Variants in TEX11 observed in about 807,000 individuals in gnomAD.
The protein encoded by TEX11 is testis expressed 11.
A neutral mutation model predicts 84.4 loss-of-function variants in TEX11; 7 were observed. That is an observed-to-expected ratio of 0.08 (90% CI 0.05 to 0.16). TEX11 has a LOEUF of 0.16. Among genes scored for constraint, TEX11 ranks in the 10% least tolerant of loss-of-function variants. The pLI is 1.00. For synonymous variants in TEX11, 264 were observed against 222.8 expected (o/e 1.18, Z -1.64); for missense variants, 551 against 660.5 (o/e 0.83, Z 1.82).
intron 7 of TEX11, among the ~76,000 whole-genome samples, chrX:70,851,693 A>ACACC (rs1171166083): frequency 2.0e-4 from 22 of 110,440 alleles, no homozygotes; most frequent in Admixed American, 1.9e-3. Context: ...ACACACACAC[A>ACACC]CACACACAGA....
intron 9 of TEX11, among the ~76,000 whole-genome samples, chrX:70,761,123 A>T (rs938478544): frequency 2.7e-5 from 3 of 111,882 alleles, no homozygotes; most frequent in South Asian, 7.6e-4. Context: ...GATGCTGGAG[A>T]GGATATGGAG....
At chrX:70,817,644 G>T (rs930734548) in intron 8 of TEX11, among the ~76,000 whole-genome samples, 1 of 110,596 alleles carries the variant, frequency 9.0e-6, no homozygotes, top group Admixed American at 9.7e-5. Flanking sequence ...AGATCATGCC[G>T]CTGCACTCCA....
chrX:70,901,071 A>T (rs887885680), intron 2 of TEX11, among the ~76,000 whole-genome samples: 3 of 111,848 alleles, frequency 2.7e-5, no homozygotes, highest in African/African-American at 9.7e-5. Flanking sequence ...TACAAAAATT[A>T]GTCAGGAATG....
chrX:70,561,331 C>A (rs1288298058), intron 25 of TEX11, among the ~76,000 whole-genome samples: 1 of 105,560 alleles, frequency 9.5e-6, no homozygotes, highest in East Asian at 2.9e-4. Context: ...TGCTAGTATA[C>A]AGAAATATAA....
chrX:70,859,728 C>T (rs1459077045), intron 5 of TEX11, among the ~76,000 whole-genome samples: 4 of 109,622 alleles, frequency 3.6e-5, no homozygotes, highest in Admixed American at 9.9e-5. Context: ...AAAAATTAAT[C>T]TTTTAGGCCA....
chrX:70,594,442 A>G (rs1284639031), intron 24 of TEX11, among the ~76,000 whole-genome samples: 1 of 111,293 alleles, frequency 9.0e-6, no homozygotes, highest in Non-Finnish European at 1.9e-5. Context: ...TATAAAAGAT[A>G]GTATTAATAT....
intron 24 of TEX11, among the ~76,000 whole-genome samples, chrX:70,592,418 T>G (rs1371191817): frequency 2.7e-5 from 3 of 111,437 alleles, no homozygotes; most frequent in Non-Finnish European, 5.6e-5. Context: ...ATGCTGGCAC[T>G]TCTCATCCCC....
chrX:70,714,591 A>T (rs369989153), intron 13 of TEX11, among the ~76,000 whole-genome samples: 10 of 111,209 alleles, frequency 9.0e-5, no homozygotes, highest in African/African-American at 2.6e-4. Flanking sequence ...TAAAGTCTGT[A>T]TTATCAGAGA....
chrX:70,587,686 TC>T (rs1170900326), intron 25 of TEX11, among the ~76,000 whole-genome samples: 3 of 111,111 alleles, frequency 2.7e-5, no homozygotes, highest in Non-Finnish European at 5.7e-5. Flanking sequence ...CCACACAGAG[TC>T]CCCACTGGGG....
At position 70,796,050 on chromosome X, in the gene TEX11, C is replaced by G. The variant is rs7891054; in HGVS notation, c.692+10655G>C. ...ATCCCAGAGTGACAGAGATATGTGA[C>G]CTTTCAGGCAGAGAATTCAAATTAG... On this transcript the variant is annotated intron_variant, in intron 9 of 29. Transcript: ENST00000374333. Among the ~76,000 whole-genome samples the G allele has an allele frequency of 5.6e-3, 623 of 111,437 alleles. 9 individuals are homozygous for G. Among genetic ancestry groups the G allele is most frequent in the African/African-American group, 0.019 (599 of 30,738 alleles).
chrX:70,704,549 T>G (rs1184126964), intron 13 of TEX11, among the ~76,000 whole-genome samples: 2 of 111,660 alleles, frequency 1.8e-5, no homozygotes, highest in East Asian at 5.6e-4. Context: ...TTCTTTACTG[T>G]TCAAGTACAT....
chrX:70,836,109 C>CG lies in TEX11; in HGVS notation c.526-2517_526-2516insC, dbSNP rs769275328. ...TGGGCAATAGAGTGAGACTCTGTCT[C>CG]AAAAAAAAAAAAAAAAAAGACAATA... On this transcript the variant is annotated intron_variant, in intron 7 of 29. Transcript: ENST00000374333. 3.1e-4 allele frequency among the ~76,000 whole-genome samples: 23 copies of CG among 74,020 alleles called. 1 individual carries two copies. The highest frequency in any genetic ancestry group is 2.7e-3 in the Admixed American group (17 of 6,228). 64.3% of individuals were successfully genotyped at this position (74,020 alleles called of 115,157 possible).
chrX:70,654,727 A>G (rs1255725552), intron 16 of TEX11, among the ~76,000 whole-genome samples: 3 of 107,853 alleles, frequency 2.8e-5, no homozygotes, highest in East Asian at 2.8e-4. Flanking sequence ...AAAAAAAAAA[A>G]AAAAAGAAAT....
intron 4 of TEX11, among the ~76,000 whole-genome samples, chrX:70,861,782 T>C (rs1481614136): frequency 1.8e-5 from 2 of 109,945 alleles, no homozygotes; most frequent in Non-Finnish European, 3.8e-5. Flanking sequence ...AGATATTTAA[T>C]ACTTAAATTT....
intron 9 of TEX11, among the ~76,000 whole-genome samples, chrX:70,752,493 C>T (rs1385326635): frequency 1.0e-5 from 1 of 95,585 alleles, no homozygotes; most frequent in African/African-American, 3.9e-5. Context: ...CCACTGCATC[C>T]CAGCCTGGGT....
At position 70,840,843 on chromosome X, in the gene TEX11, A is replaced by C. The variant is rs767750784; in HGVS notation, c.526-7250T>G. ...GGGGTTGCAATCCTAGTCTCTGCTAAAACAGACTTTAAACCAACAAAGATC... is the reference window on the plus strand; with the variant it reads ...GGGGTTGCAATCCTAGTCTCTGCTACAACAGACTTTAAACCAACAAAGATC... On this transcript the variant is annotated intron_variant, in intron 7 of 29. Transcript: ENST00000374333. Among the ~76,000 whole-genome samples, 28 of 111,618 alleles carry C rather than the reference A, an allele frequency of 2.5e-4. No individual in the cohort carries two copies. In the East Asian group the frequency reaches 7.8e-3, roughly 31 times the overall value.
Position 70,722,672 on chromosome X carries a change from T to A in TEX11, c.950A>T (p.Asp317Val), listed in dbSNP as rs1157252761. 8.3e-7 allele frequency: 1 copy of A among 1,202,207 alleles called. No individual in the cohort carries two copies. Among genetic ancestry groups the A allele is most frequent in the Admixed American group, 2.2e-5 (1 of 45,870 alleles). The change falls in exon 13 of 30, where the codon GAC becomes GTC. Residue 317 changes from aspartate (D) to valine (V), a missense_variant. By Grantham distance (152) the Asp-to-Val change is radical (BLOSUM62 -3). Transcript: ENST00000374333. The part of the protein sequence containing the change: ...LEAVMEILHL[D>V]MPLDFCLNIA... ...GTTCAGACAGAAGTCTAAGGGCATG[T>A]CAAGATGTAGTATTTCCATGACAGC...
chrX:70,840,035 A>C (rs1273144450), intron 7 of TEX11, among the ~76,000 whole-genome samples: 2 of 112,103 alleles, frequency 1.8e-5, no homozygotes, highest in African/African-American at 6.5e-5. Context: ...GGAGAATGGA[A>C]CCAAGTTGGA....
intron 13 of TEX11, among the ~76,000 whole-genome samples, chrX:70,718,741 T>G (rs2090529512): frequency 8.9e-6 from 1 of 111,828 alleles, no homozygotes; most frequent in African/African-American, 3.3e-5. Flanking sequence ...TGAAAAAAGC[T>G]ACCACACCCA....
Sources: allele counts gnomAD v4.1 joint callset (sites outside exome capture counted in the v4.1 genomes callset), GRCh38; gene constraint gnomAD v4.1.1; transcripts MANE v1.5; gene names NCBI Gene and HGNC (gene_info 2026-07-23, HGNC 2026-07-21).